TOX2: variants seen among roughly 807,000 people sequenced by gnomAD.
TOX2 encodes granulosa cell HMG box 1.
TOX2 carries 15 observed loss-of-function variants against 47.4 expected under a neutral mutation model. The ratio of observed to expected loss-of-function variants is 0.32; its 90% CI spans 0.21 to 0.49. TOX2 has a LOEUF of 0.49. TOX2 is among the 20% of genes least tolerant of loss of function. The pLI, the probability that TOX2 is intolerant of heterozygous loss-of-function variation, is 0.99. For missense variants in TOX2, 622 were observed against 673.1 expected, an observed-to-expected ratio of 0.92 and a Z score of 0.84; for synonymous variants, 290 against 296.6, an observed-to-expected ratio of 0.98 and a Z score of 0.23.
intron 3 of TOX2, among the ~76,000 whole-genome samples, chr20:44,033,884 A>C (rs943474424): frequency 6.6e-6 from 1 of 152,108 alleles, no homozygotes; most frequent in Non-Finnish European, 1.5e-5. Context: ...CAGGAAACTA[A>C]TACACAGAGT....
intron 1 of TOX2, among the ~76,000 whole-genome samples, chr20:43,969,850 C>T (rs1004699662): frequency 2.0e-5 from 3 of 152,206 alleles, no homozygotes; most frequent in African/African-American, 7.2e-5. Flanking sequence ...GCAGCTCTTT[C>T]CTAGACATTG....
intron 1 of TOX2, among the ~76,000 whole-genome samples, chr20:43,925,708 T>C (rs2069157804): frequency 6.6e-6 from 1 of 152,216 alleles, no homozygotes; most frequent in African/African-American, 2.4e-5. Flanking sequence ...TGTCAGTCTG[T>C]TTCTTTGACT....
At chr20:43,925,912 G>A (rs182243675) in intron 1 of TOX2, among the ~76,000 whole-genome samples, 35 of 152,318 alleles carry the variant, frequency 2.3e-4, no homozygotes, top group South Asian at 1.7e-3. Context: ...AATTTGGCCC[G>A]AGCTTGCTCT....
intron 5 of TOX2, among the ~76,000 whole-genome samples, chr20:44,056,442 G>C (rs927291918): frequency 6.6e-6 from 1 of 152,158 alleles, no homozygotes; most frequent in Admixed American, 6.5e-5. Context: ...GGATTTCCTT[G>C]CCGTTTTATA....
chr20:43,959,832 C>T (rs1232857772), intron 1 of TOX2, among the ~76,000 whole-genome samples: 2 of 152,334 alleles, frequency 1.3e-5, no homozygotes, highest in African/African-American at 4.8e-5. Flanking sequence ...GCAGGGCAAC[C>T]TGAGGCTCTA....
chr20:43,986,755 T>G (rs1569065440), intron 2 of TOX2, among the ~76,000 whole-genome samples: 1 of 152,152 alleles, frequency 6.6e-6, no homozygotes, highest in East Asian at 1.9e-4. Flanking sequence ...ACTCAGTAAT[T>G]CAACTCCACA....
rs75525657 is a variant in TOX2 at position 44,047,063 on chromosome 20, C to A, written c.412-4243C>A. ...ACACTCTTCCAAATAACTTTAGGGT[C>A]AGAGAGAAAATAAAATCATCAATGT... is the stretch of plus-strand genomic sequence containing the variant. On this transcript the variant is annotated intron_variant, in intron 3 of 8. Transcript: ENST00000341197. Among the ~76,000 whole-genome samples, 822 of 152,246 alleles carry A rather than the reference C, an allele frequency of 5.4e-3. 7 individuals are homozygous for A. Among genetic ancestry groups the A allele is most frequent in the African/African-American group, 0.019 (769 of 41,532 alleles).
intron 2 of TOX2, among the ~76,000 whole-genome samples, chr20:44,000,868 A>T (rs1181342070): frequency 6.6e-6 from 1 of 152,042 alleles, no homozygotes; most frequent in Non-Finnish European, 1.5e-5. Context: ...CCCAGGGAGG[A>T]GGATGAACTA....
intron 4 of TOX2, among the ~76,000 whole-genome samples, chr20:44,052,814 C>T (rs575899354): frequency 2.9e-4 from 44 of 152,304 alleles, no homozygotes; most frequent in African/African-American, 9.6e-4. Flanking sequence ...GCTGCAGGTG[C>T]AGTCCAGTGT....
chr20:44,032,307 G>T (rs186320658), intron 3 of TOX2, among the ~76,000 whole-genome samples: 129 of 152,298 alleles, frequency 8.5e-4, no homozygotes, highest in African/African-American at 3.0e-3. Context: ...TCATTGCGGG[G>T]CTGCCCTGTG....
chr20:43,984,217 G>A (rs1231668911), intron 2 of TOX2, among the ~76,000 whole-genome samples: 1 of 152,080 alleles, frequency 6.6e-6, no homozygotes, highest in Non-Finnish European at 1.5e-5. Context: ...AATAATTATG[G>A]TTGTGTTATC....
At position 43,915,949 on chromosome 20, in the gene TOX2, G is replaced by A. The variant is rs566583676; in HGVS notation, c.99+959G>A. On this transcript the variant is annotated intron_variant, in intron 1 of 8. Transcript: ENST00000341197. The surrounding 1 kb of genome is among the most constrained non-coding windows in gnomAD (Gnocchi z 7.1). ...GTGCCTGGAACCCCGAACCCGAGGC[G>A]TCAGGTCCCACTGCCGGGTCTGGCC... Among the ~76,000 whole-genome samples, 2 of 152,254 alleles carry A rather than the reference G, an allele frequency of 1.3e-5. No homozygotes were observed. The highest frequency in any genetic ancestry group is 4.8e-5 in the African/African-American group (2 of 41,468).
At chr20:43,945,807 T>G (rs1600669095) in intron 1 of TOX2, 26 of 1,465,442 alleles carry the variant, frequency 1.8e-5, no homozygotes, top group East Asian at 9.3e-5. Flanking sequence ...ACGAATGGGA[T>G]GGGGGGTGGG....
intron 1 of TOX2, chr20:43,945,728 C>A: frequency 1.2e-6 from 1 of 842,498 alleles, no homozygotes; most frequent in Non-Finnish European, 1.7e-6. Flanking sequence ...AACACGCAGG[C>A]CCAAATTGGA....
At chr20:44,039,054 C>T in intron 3 of TOX2, 4 of 1,269,514 alleles carry the variant, frequency 3.2e-6, no homozygotes, top group Non-Finnish European at 4.1e-6. Context: ...CCAGACATCT[C>T]ATGAGTGCCG....
At chr20:43,974,034 C>A (rs1416395071) in intron 2 of TOX2, among the ~76,000 whole-genome samples, 1 of 152,174 alleles carries the variant, frequency 6.6e-6, no homozygotes. Context: ...AGAGCCTGGT[C>A]TCTGAAAATT....
chr20:43,992,939 A>G (rs1031853621), intron 2 of TOX2, among the ~76,000 whole-genome samples: 1 of 151,818 alleles, frequency 6.6e-6, no homozygotes, highest in Admixed American at 6.6e-5. Flanking sequence ...AGGAATGTTG[A>G]CATGTCCAAA....
At chr20:43,961,939 C>G (rs1223985861) in intron 1 of TOX2, among the ~76,000 whole-genome samples, 1 of 152,226 alleles carries the variant, frequency 6.6e-6, no homozygotes, top group African/African-American at 2.4e-5. Context: ...AGCCCAGCTC[C>G]CTCCAGCCCC....
At chr20:44,059,598 C>G (rs1191538582) in intron 5 of TOX2, among the ~76,000 whole-genome samples, 1 of 151,800 alleles carries the variant, frequency 6.6e-6, no homozygotes, top group Non-Finnish European at 1.5e-5. Flanking sequence ...ACCCTACAAG[C>G]TAGAAGGGAT....
Sources: allele counts gnomAD v4.1 joint callset (sites outside exome capture counted in the v4.1 genomes callset), GRCh38; gene constraint gnomAD v4.1.1; non-coding constraint Gnocchi (gnomAD v3.1); transcripts MANE v1.5; gene names NCBI Gene and HGNC (gene_info 2026-07-23, HGNC 2026-07-21).